Variants in EMSY observed in about 807,000 individuals in gnomAD.
EMSY encodes the protein EMSY transcriptional repressor, BRCA2 interacting, also known as BRCA2-interacting transcriptional repressor EMSY.
Under a neutral mutation model 134.6 loss-of-function variants are expected in EMSY, and 26 were observed. The ratio of observed to expected loss-of-function variants is 0.19; its 90% CI spans 0.14 to 0.27. The LOEUF is 0.27. EMSY is among the 10% of genes least tolerant of loss of function. EMSY has a pLI of 1.00. For missense variants in EMSY, 1,305 were observed against 1,611.4 expected, an observed-to-expected ratio of 0.81 and a Z score of 3.26; for synonymous variants, 579 against 577.8, an observed-to-expected ratio of 1.00 and a Z score of -0.03.
At chr11:76,458,581 A>G (rs376605805) in intron 5 of EMSY, 1 of 396,198 alleles carries the variant, frequency 2.5e-6, no homozygotes, top group South Asian at 5.8e-5. Context: ...AATCATCAAA[A>G]TTGCAAAAAC....
chr11:76,451,207 A>G (rs992906348), intron 2 of EMSY, among the ~76,000 whole-genome samples: 1 of 152,120 alleles, frequency 6.6e-6, no homozygotes, highest in African/African-American at 2.4e-5. Flanking sequence ...TTTCATGTTT[A>G]TGTTTCCCAA....
intron 20 of EMSY, chr11:76,547,228 T>A (rs1230678993): frequency 3.5e-6 from 1 of 286,926 alleles, no homozygotes; most frequent in Non-Finnish European, 6.8e-6. Flanking sequence ...GACTAGGATT[T>A]ACCATCAATT....
At chr11:76,535,904 C>A (rs2136535676) in exon 15 of EMSY, 2 of 1,526,826 alleles carry the variant, frequency 1.3e-6, no homozygotes, top group Middle Eastern at 1.8e-4. Flanking sequence ...GATTCCCAGC[C>A]TGTAGTTCAT....
At chr11:76,483,277 C>G (rs1489779044) in intron 8 of EMSY, among the ~76,000 whole-genome samples, 2 of 152,120 alleles carry the variant, frequency 1.3e-5, no homozygotes. Flanking sequence ...AAGGAAAAAC[C>G]AGTACCAGCC....
At chr11:76,507,983 C>A (rs1401952722) in intron 9 of EMSY, among the ~76,000 whole-genome samples, 2 of 151,868 alleles carry the variant, frequency 1.3e-5, no homozygotes, top group African/African-American at 4.8e-5. Context: ...CCCACCTCAG[C>A]CTCCCAAGTA....
chr11:76,487,212 G>A (rs544595553), intron 8 of EMSY, among the ~76,000 whole-genome samples: 27 of 152,184 alleles, frequency 1.8e-4, no homozygotes, highest in African/African-American at 6.5e-4. Context: ...CCCGGGAGGC[G>A]GAGCTTGCAG....
At chr11:76,522,480 G>A (rs1009059490) in intron 11 of EMSY, among the ~76,000 whole-genome samples, 2 of 136,762 alleles carry the variant, frequency 1.5e-5, no homozygotes, top group African/African-American at 5.5e-5. Context: ...CAATTCTTTT[G>A]CCTCAGCCTC....
intron 9 of EMSY, among the ~76,000 whole-genome samples, chr11:76,503,175 G>A (rs1303489670): frequency 6.6e-6 from 1 of 151,340 alleles, no homozygotes; most frequent in African/African-American, 2.4e-5. Context: ...ATGGTACATG[G>A]CTGTAATCCC....
intron 8 of EMSY, 70 bp downstream of exon 9, chr11:76,472,910 A>G: frequency 6.5e-7 from 1 of 1,527,440 alleles, no homozygotes; most frequent in Non-Finnish European, 9.0e-7. Flanking sequence ...CTTGGTGGGT[A>G]TGTTTCTCTG....
At chr11:76,490,853 GGGGT>G (rs879834451) in intron 8 of EMSY, among the ~76,000 whole-genome samples, 91 of 149,360 alleles carry the variant, frequency 6.1e-4, no homozygotes, top group South Asian at 2.3e-3. Flanking sequence ...TCATTGCTAG[GGGGT>G]GTGTGTGTGT....
At chr11:76,515,101 C>T (rs1383082114) in intron 10 of EMSY, among the ~76,000 whole-genome samples, 3 of 143,802 alleles carry the variant, frequency 2.1e-5, no homozygotes, top group Non-Finnish European at 4.5e-5. Flanking sequence ...CAGATGTATG[C>T]TTATAACCAA....
intron 11 of EMSY, among the ~76,000 whole-genome samples, chr11:76,521,303 A>C (rs1950628506): frequency 6.6e-6 from 1 of 152,212 alleles, no homozygotes; most frequent in South Asian, 2.1e-4. Context: ...ATGAAATGGG[A>C]AATTAGGGAA....
chr11:76,495,747 A>G (rs1436967341), intron 8 of EMSY, among the ~76,000 whole-genome samples: 1 of 152,200 alleles, frequency 6.6e-6, no homozygotes, highest in Non-Finnish European at 1.5e-5. Context: ...CAAAAGATGA[A>G]TGTGAGTTAT....
chr11:76,537,693 G>A, intron 15 of EMSY, 102 bp from the exon 17 acceptor site: 2 of 1,043,988 alleles, frequency 1.9e-6, no homozygotes, highest in Non-Finnish European at 2.8e-6. Flanking sequence ...GTCACTGCCA[G>A]TGTGGCACCC....
intron 9 of EMSY, 118 bp downstream of exon 10, chr11:76,496,587 C>A: frequency 1.7e-6 from 2 of 1,156,944 alleles, no homozygotes; most frequent in Non-Finnish European, 1.3e-6. Context: ...ACTTTTTCAT[C>A]AGTGTTTTAC....
chr11:76,544,205 A>G, intron 18 of EMSY, 54 bp from the exon 20 acceptor site: 3 of 1,482,376 alleles, frequency 2.0e-6, no homozygotes, highest in Non-Finnish European at 2.7e-6. Flanking sequence ...AGGAAAATGT[A>G]GCAATGTAGA....
intron 9 of EMSY, among the ~76,000 whole-genome samples, chr11:76,503,587 A>G (rs1343242168): frequency 6.6e-6 from 1 of 152,204 alleles, no homozygotes; most frequent in Non-Finnish European, 1.5e-5. Context: ...AGACCCTTAC[A>G]TCACACCGTA....
exon 5 of EMSY, chr11:76,458,283 G>A: frequency 6.2e-7 from 1 of 1,614,070 alleles, no homozygotes; most frequent in Non-Finnish European, 8.5e-7. Flanking sequence ...TACTGTAACA[G>A]CTAATGCTGT....
chr11:76,513,443 C>T, exon 10 of EMSY: 1 of 1,613,718 alleles, frequency 6.2e-7, no homozygotes, highest in Non-Finnish European at 8.5e-7. Flanking sequence ...AAACCAGTGA[C>T]AGCAACTCTA....
Sources: allele counts gnomAD v4.1 joint callset (sites outside exome capture counted in the v4.1 genomes callset), GRCh38; gene constraint gnomAD v4.1.1; transcripts MANE v1.5; gene names NCBI Gene and HGNC (gene_info 2026-07-23, HGNC 2026-07-21).